Variants in PURG observed in about 807,000 individuals in gnomAD.
PURG encodes the protein purine-rich element-binding protein gamma.
Under a neutral mutation model 24.3 loss-of-function variants are expected in PURG, and 3 were observed. The observed-to-expected ratio is 0.12, with a 90% CI of 0.06 to 0.32. The LOEUF is 0.32. Among genes scored for constraint, PURG ranks in the 10% least tolerant of loss-of-function variants. PURG has a pLI of 1.00. For synonymous variants in PURG, 180 were observed against 173.1 expected (o/e 1.04, Z -0.31); for missense variants, 371 against 439.1 (o/e 0.84, Z 1.39).
chr8:31,030,666 C>T (rs1021658263), downstream of PURG, among the ~76,000 whole-genome samples: 5 of 151,286 alleles, frequency 3.3e-5, no homozygotes, highest in African/African-American at 1.2e-4. Flanking sequence ...AAAATCCCCA[C>T]CCCCTCCAGA....
rs1196527864 is a variant in PURG at position 31,033,178 on chromosome 8, C to CCCCCGCCTCCTCCCCCGCCGCCGCCGCT, written c.-135_-108dup. 120 of 207,428 alleles carry CCCCCGCCTCCTCCCCCGCCGCCGCCGCT rather than the reference C, an allele frequency of 5.8e-4. No homozygotes were observed. Among genetic ancestry groups the CCCCCGCCTCCTCCCCCGCCGCCGCCGCT allele is most frequent in the Non-Finnish European group, 9.0e-4 (95 of 105,348 alleles). The allele number at this position is 207,428 out of a possible 1,614,324, so 12.8% of individuals were successfully genotyped here. ...CTGCTGCAGCCGCCGCAGCCGCCGC[C>CCCCCGCCTCCTCCCCCGCCGCCGCCGCT]CCCCGCCTCCTCCCCCGCCGCCGCC... On this transcript the variant is annotated 5_prime_UTR_variant, in exon 1 of 2. An upstream open reading frame in the 5' UTR loses its in-frame stop. Coordinates refer to ENST00000523392, the MANE Select transcript of PURG (RefSeq NM_001323311.2).
At chr8:31,026,807 G>T (rs1435475358), downstream of PURG, among the ~76,000 whole-genome samples, 3 of 150,936 alleles carry the variant, frequency 2.0e-5, no homozygotes, top group African/African-American at 4.9e-5. Flanking sequence ...CAAAAATATT[G>T]ATTAAAATCT....
chr8:31,011,144 A>G (rs1810756525), intron 1 of PURG, among the ~76,000 whole-genome samples: 1 of 152,260 alleles, frequency 6.6e-6, no homozygotes, highest in Admixed American at 6.5e-5. Context: ...ATTTGTGAAT[A>G]TACTGAATAT....
intron 1 of PURG, among the ~76,000 whole-genome samples, chr8:31,002,098 G>C (rs1810548312): frequency 6.6e-6 from 1 of 152,196 alleles, no homozygotes; most frequent in African/African-American, 2.4e-5. Flanking sequence ...CATGAATATG[G>C]AGACTATCAG....
At position 31,032,739 on chromosome 8, in the gene PURG, C is replaced by T; in HGVS notation, c.44G>A (p.Arg15His). 7.2e-7 allele frequency: 1 copy of T among 1,393,846 alleles called. No individual in the cohort carries two copies. Among genetic ancestry groups the T allele is most frequent in the Non-Finnish European group, 9.4e-7 (1 of 1,066,284 alleles). 86.3% of individuals were successfully genotyped at this position (1,393,846 alleles called of 1,614,324 possible). ...RRRGGGGGRG[R>H]GGKNVGGSGL... ...AGAGCCCCCTACATTCTTGCCTCCG[C>T]GGCCGCGGCCGCCGCCGCCTCCCCT... Residue 15 changes from arginine to histidine, a missense_variant, in exon 2 of 2, where the codon CGC becomes CAC. Around this residue, in one of 5 missense-constraint regions of PURG, gnomAD observed 213 missense variants for 230.6 expected, o/e 0.92. Coordinates refer to ENST00000523392, the MANE Select transcript of PURG (RefSeq NM_001323311.2). The surrounding 1 kb of genome is among the most constrained non-coding windows in gnomAD (Gnocchi z 5.9).
At chr8:31,013,694 G>A (rs367838292) in intron 1 of PURG, among the ~76,000 whole-genome samples, 9 of 152,154 alleles carry the variant, frequency 5.9e-5, no homozygotes, top group Admixed American at 1.3e-4. Context: ...CCGAGGTCGC[G>A]CCACTGCACT....
intron 1 of PURG, among the ~76,000 whole-genome samples, chr8:30,999,139 C>T (rs1810487159): frequency 1.3e-5 from 2 of 151,696 alleles, no homozygotes. Context: ...CAAGTCTTGT[C>T]ATTTCTCTTT....
intron 1 of PURG, among the ~76,000 whole-genome samples, chr8:31,025,339 G>T (rs1811070615): frequency 6.6e-6 from 1 of 151,670 alleles, no homozygotes; most frequent in East Asian, 1.9e-4. Flanking sequence ...GAAAATAAAG[G>T]GAGCAAACTT....
chr8:31,017,353 T>C (rs547555335), intron 1 of PURG, among the ~76,000 whole-genome samples: 22 of 152,048 alleles, frequency 1.4e-4, no homozygotes, highest in African/African-American at 4.8e-4. Flanking sequence ...ATTGTATATA[T>C]ATGCATGTGC....
rs1188914598 is a variant in PURG, at chr8:31,032,319, G to T, written c.464C>A (p.Pro155His). The change falls in exon 2 of 2, where the codon CCC becomes CAC. Residue 155 changes from proline to histidine, a missense_variant. This residue lies in a region of PURG where 213 missense variants were observed against 230.6 expected (regional missense o/e 0.92). Coordinates refer to ENST00000523392, the MANE Select transcript of PURG (RefSeq NM_001323311.2). This position sits in a 1 kb window ranked among gnomAD's most constrained non-coding sequence, Gnocchi z 5.9. ...GSRRRQKHSA[P>H]SPPVSVGSEE... ...GGACCCCACCGAGACTGGTGGGGAG[G>T]GTGCCGAGTGCTTCTGCCTCCTTCT... 1.2e-6 allele frequency: 2 copies of T among 1,612,738 alleles called. No homozygotes were observed. Among genetic ancestry groups the T allele is most frequent in the African/African-American group, 1.3e-5 (1 of 74,922 alleles).
At chr8:31,019,333 T>TA in intron 1 of PURG, among the ~76,000 whole-genome samples, 1 of 132,484 alleles carries the variant, frequency 7.5e-6, no homozygotes, top group Non-Finnish European at 1.6e-5. Flanking sequence ...TCTAATTTTT[T>TA]TTTTTTTTTT....
chr8:31,022,117 C>T (rs1484124510), intron 1 of PURG, among the ~76,000 whole-genome samples: 5 of 151,970 alleles, frequency 3.3e-5, no homozygotes, highest in South Asian at 2.1e-4. Context: ...ATTACAGGAG[C>T]GTGCCACCAT....
intron 1 of PURG, among the ~76,000 whole-genome samples, chr8:31,013,454 C>T (rs1392752602): frequency 2.0e-5 from 3 of 152,150 alleles, no homozygotes; most frequent in African/African-American, 7.2e-5. Context: ...ATAAAGGTTC[C>T]TGGCCGGGCG....
intron 1 of PURG, among the ~76,000 whole-genome samples, chr8:31,001,291 A>G (rs1376704476): frequency 6.6e-6 from 1 of 152,226 alleles, no homozygotes; most frequent in Non-Finnish European, 1.5e-5. Flanking sequence ...GAACATACCT[A>G]TGAGAATCAT....
intron 1 of PURG, among the ~76,000 whole-genome samples, chr8:31,018,644 G>A (rs1211894133): frequency 1.3e-5 from 2 of 152,114 alleles, no homozygotes; most frequent in Non-Finnish European, 2.9e-5. Flanking sequence ...GACTATCTCT[G>A]TTATGTCAGC....
Position 30,999,957 on chromosome 8 carries a change from C to T in PURG, c.865-3260G>A, listed in dbSNP as rs141705584. On this transcript the variant is annotated intron_variant, in intron 1 of 1. Coordinates refer to the PURG transcript ENST00000339382. ...ACTCTGCCATGCAATGTACATAAGT[C>T]GTATGTGTTTTCCTTTAAAATAAAA... Among the ~76,000 whole-genome samples the T allele has an allele frequency of 9.7e-3, 1,308 of 135,380 alleles. 16 individuals carry two copies. Among genetic ancestry groups the T allele is most frequent in the African/African-American group, 0.035 (1,230 of 34,956 alleles). 88.8% of individuals were successfully genotyped at this position (135,380 alleles called of 152,430 possible). A position where few individuals can be genotyped will look rare whatever the true frequency, so the allele number is the denominator to read the frequency against.
In PURG at chr8:31,032,006, A is replaced by T. The variant is rs1811219522; in HGVS notation, c.777T>A (p.Leu259=). Residue 259 remains leucine (L), a synonymous_variant, in exon 2 of 2, where the codon CTT becomes CTA. Transcript: ENST00000523392. The surrounding 1 kb of genome is among the most constrained non-coding windows in gnomAD (Gnocchi z 5.9). The part of the protein sequence containing the change: ...EERRGGDDDP[L]ELPEGTSFRV... ...TGAAAGAAGTCCCCTCTGGGAGTTC[A>T]AGCGGGTCATCGTCTCCACCTCTTC... 1.2e-6 allele frequency: 2 copies of T among 1,614,186 alleles called. No homozygotes were observed. The highest frequency in any genetic ancestry group is 1.7e-6 in the Non-Finnish European group (2 of 1,180,034).
chr8:31,019,579 T>C (rs1019997229), intron 1 of PURG, among the ~76,000 whole-genome samples: 17 of 151,632 alleles, frequency 1.1e-4, no homozygotes, highest in African/African-American at 4.1e-4. Context: ...ATGATCTGCC[T>C]GCCTCTGCCT....
chr8:31,000,442 C>T (rs781141162), intron 1 of PURG, among the ~76,000 whole-genome samples: 4 of 152,052 alleles, frequency 2.6e-5, no homozygotes, highest in Non-Finnish European at 4.4e-5. Context: ...TTTGTTGTTT[C>T]TGAGTGTGAT....
Sources: gnomAD v4.1 joint callset for allele counts (sites outside exome capture counted in the v4.1 genomes callset) on GRCh38, gnomAD v4.1.1 for gene constraint, gnomAD v4.1.1 regional missense constraint, Gnocchi (gnomAD v3.1) non-coding constraint, MANE v1.5 for transcripts, NCBI Gene and HGNC (gene_info 2026-07-23, HGNC 2026-07-21) for gene names.